Variants in MAP3K10 observed in about 807,000 individuals in gnomAD.
The protein encoded by MAP3K10 is mitogen-activated protein kinase kinase kinase 10, also known as MKN28 derived nonreceptor_type serine/threonine kinase.
A neutral mutation model predicts 75.0 loss-of-function variants in MAP3K10; 22 were observed. The observed-to-expected ratio is 0.29, with a 90% CI of 0.21 to 0.42. The LOEUF (loss-of-function observed/expected upper bound fraction) is 0.42, where lower values mean the gene tolerates loss of function less well. Among genes scored for constraint, MAP3K10 ranks in the 10% least tolerant of loss-of-function variants. The pLI is 1.00. For synonymous variants in MAP3K10, 599 were observed against 612.9 expected, an observed-to-expected ratio of 0.98 and a Z score of 0.34; for missense variants, 1,165 against 1,379.8, an observed-to-expected ratio of 0.84 and a Z score of 2.47.
Position 40,204,456 on chromosome 19 carries a change from C to T in MAP3K10, c.864-29C>T, listed in dbSNP as rs769899647. 1.2e-6 allele frequency: 2 copies of T among 1,602,282 alleles called. No individual in the cohort carries two copies. The highest frequency in any genetic ancestry group is 2.2e-5 in the East Asian group (1 of 44,658). ...AGGTGAGGATTGGGGTGGGCTGCGA[C>T]ATCACCCCTCCCTCTCCCCTGCCTG... On this transcript the variant is annotated intron_variant, in intron 2 of 9. Coordinates refer to ENST00000253055, the MANE Select transcript of MAP3K10 (RefSeq NM_002446.4). The surrounding 1 kb of genome is among the most constrained non-coding windows in gnomAD (Gnocchi z 4.3).
In MAP3K10 at chr19:40,192,216, A is replaced by G; in HGVS notation, c.185A>G (p.Gln62Arg). The G allele has an allele frequency of 6.2e-7, 1 of 1,606,986 alleles. No homozygotes were observed. Among genetic ancestry groups the G allele is most frequent in the Non-Finnish European group, 8.5e-7 (1 of 1,178,100 alleles). Residue 62 changes from glutamine to arginine, a missense_variant, in exon 1 of 10, where the codon CAG becomes CGG. Coordinates refer to ENST00000253055, the MANE Select transcript of MAP3K10 (RefSeq NM_002446.4). The surrounding 1 kb of genome is among the most constrained non-coding windows in gnomAD (Gnocchi z 7.1). ...GGCGACGAGGGCTGGTGGACCGGGCAGCTCCCCAGCGGCCGCGTGGGCGTC... is the reference window on the plus strand; with the variant it reads ...GGCGACGAGGGCTGGTGGACCGGGCGGCTCCCCAGCGGCCGCGTGGGCGTC... The part of the protein sequence containing the change: ...VSGDEGWWTG[Q>R]LPSGRVGVFP...
chr19:40,206,287 G>T, intron 5 of MAP3K10, 130 bp downstream of exon 5: 1 of 1,168,754 alleles, frequency 8.6e-7, no homozygotes. Context: ...TCAGTGATCA[G>T]CCCAGTGCAG....
intron 6 of MAP3K10, among the ~76,000 whole-genome samples, chr19:40,210,122 C>T (rs1568493041): frequency 6.6e-6 from 1 of 152,014 alleles, no homozygotes; most frequent in Non-Finnish European, 1.5e-5. Context: ...AAAAAGTCAG[C>T]CAGGTGCTGT....
Position 40,215,197 on chromosome 19 carries a change from C to A in MAP3K10, c.2770C>A (p.Pro924Thr). 1 of 1,585,310 alleles carries A rather than the reference C, an allele frequency of 6.3e-7. No individual in the cohort carries two copies. The highest frequency in any genetic ancestry group is 1.1e-5 in the South Asian group (1 of 87,404). Reference protein sequence around the residue: ...SRPDTPESPGPPSVQPTLLDM... With the variant: ...SRPDTPESPGTPSVQPTLLDM... Reference sequence around the variant, plus strand: ...GCCAGACACTCCGGAGAGCCCTGGGCCCCCCAGCGTGCAGCCCACACTGCT... The same window carrying A: ...GCCAGACACTCCGGAGAGCCCTGGGACCCCCAGCGTGCAGCCCACACTGCT... The change falls in exon 10 of 10, where the codon CCC (proline) becomes ACC (threonine). Residue 924 changes from proline to threonine, a missense_variant. By Grantham distance (38) the Pro-to-Thr change is conservative. Transcript: ENST00000253055.
intron 6 of MAP3K10, among the ~76,000 whole-genome samples, chr19:40,209,630 G>T (rs903340257): frequency 6.6e-6 from 1 of 151,848 alleles, no homozygotes; most frequent in African/African-American, 2.4e-5. Flanking sequence ...GGCCAGGCTG[G>T]TATCGAACTC....
chr19:40,206,927 G>A (rs1415372165), intron 5 of MAP3K10, among the ~76,000 whole-genome samples: 2 of 152,022 alleles, frequency 1.3e-5, no homozygotes, highest in East Asian at 1.9e-4. Flanking sequence ...GTGAAATCCC[G>A]CCTCTACTAA....
intron 5 of MAP3K10, among the ~76,000 whole-genome samples, chr19:40,208,363 T>TTTTTTTTTTTTTTTTTTTTTTTTA (rs1555756664): frequency 1.2e-4 from 13 of 111,890 alleles, no homozygotes; most frequent in Non-Finnish European, 1.6e-4. Flanking sequence ...TTTTTTTTTT[T>TTTTTTTTTTTTTTTTTTTTTTTTA]TTTTTTGTAT....
At chr19:40,207,230 A>G (rs933785515) in intron 5 of MAP3K10, among the ~76,000 whole-genome samples, 2 of 150,376 alleles carry the variant, frequency 1.3e-5, no homozygotes, top group African/African-American at 4.9e-5. Flanking sequence ...TTCAGGTTTG[A>G]TTTTTTTTTT....
intron 6 of MAP3K10, among the ~76,000 whole-genome samples, chr19:40,210,132 T>C (rs924824969): frequency 6.6e-6 from 1 of 152,150 alleles, no homozygotes; most frequent in South Asian, 2.1e-4. Context: ...CCAGGTGCTG[T>C]GACAGGCACC....
intron 1 of MAP3K10, among the ~76,000 whole-genome samples, chr19:40,195,430 T>TG (rs1157469603): frequency 1.5e-5 from 2 of 129,950 alleles, no homozygotes; most frequent in Non-Finnish European, 3.2e-5. Flanking sequence ...GAATTTACAG[T>TG]GGGGGCTTCC....
chr19:40,201,071 T>C (rs2145078038), intron 2 of MAP3K10, among the ~76,000 whole-genome samples: 1 of 152,182 alleles, frequency 6.6e-6, no homozygotes, highest in Non-Finnish European at 1.5e-5. Flanking sequence ...TGGATCATGC[T>C]ACCCTCCAGT....
chr19:40,212,797 G>A lies in MAP3K10; in HGVS notation c.1553-8G>A. 1 of 1,581,142 alleles carries A rather than the reference G, an allele frequency of 6.3e-7. No individual in the cohort carries two copies. Among genetic ancestry groups the A allele is most frequent in the Non-Finnish European group, 8.6e-7 (1 of 1,164,850 alleles). ...CACCCAGTAACCAAGTGGCTTCTCTGGACCCAGTGACTCCCGTGGACTGTG... is the reference window on the plus strand; with the variant it reads ...CACCCAGTAACCAAGTGGCTTCTCTAGACCCAGTGACTCCCGTGGACTGTG... On this transcript the variant is annotated splice_polypyrimidine_tract_variant and splice_region_variant and intron_variant, in intron 6 of 9. Coordinates refer to ENST00000253055, the MANE Select transcript of MAP3K10 (RefSeq NM_002446.4). The surrounding 1 kb of genome is among the most constrained non-coding windows in gnomAD (Gnocchi z 4.2).
intron 1 of MAP3K10, among the ~76,000 whole-genome samples, chr19:40,197,023 A>G (rs1032960464): frequency 2.0e-5 from 3 of 152,146 alleles, no homozygotes; most frequent in African/African-American, 7.2e-5. Flanking sequence ...GCTGTGTAAT[A>G]AGCTACCCCC....
At chr19:40,214,502 TCTC>T (rs1380834673) in intron 9 of MAP3K10, among the ~76,000 whole-genome samples, 1 of 152,166 alleles carries the variant, frequency 6.6e-6, no homozygotes, top group Non-Finnish European at 1.5e-5. Flanking sequence ...TAGACACTGT[TCTC>T]CTCCATCTGT....
At position 40,214,174 on chromosome 19, in the gene MAP3K10, G is replaced by C. The variant is rs1351403589; in HGVS notation, c.2495G>C (p.Gly832Ala). The C allele has an allele frequency of 6.7e-7, 1 of 1,486,064 alleles. No homozygotes were observed. Among genetic ancestry groups the C allele is most frequent in the East Asian group, 2.7e-5 (1 of 36,928 alleles). The allele number at this position is 1,486,064 out of a possible 1,614,324, so 92.1% of individuals were successfully genotyped here. A position where few individuals can be genotyped will look rare whatever the true frequency, so the allele number is the denominator to read the frequency against. Residue 832 changes from glycine to alanine, a missense_variant, in exon 9 of 10, where the codon GGG becomes GCG. Coordinates refer to ENST00000253055, the MANE Select transcript of MAP3K10 (RefSeq NM_002446.4). ...SRGHRRTPSDGALGQRGPPEP... is the reference protein window; with the variant it reads ...SRGHRRTPSDAALGQRGPPEP... ...GGGCACCGGCGGACGCCATCGGACG[G>C]GGCGCTGGGGCAGCGGGGGCCGCCC... is the stretch of plus-strand genomic sequence containing the variant.
intron 5 of MAP3K10, among the ~76,000 whole-genome samples, chr19:40,207,397 A>G (rs1257023742): frequency 6.6e-6 from 1 of 152,162 alleles, no homozygotes; most frequent in Non-Finnish European, 1.5e-5. Flanking sequence ...ATTTTCTAGT[A>G]AGCTACACAT....
rs1195547755 is a variant in MAP3K10, at chr19:40,215,020, T to A, written c.2593T>A (p.Phe865Ile). 1 of 1,583,612 alleles carries A rather than the reference T, an allele frequency of 6.3e-7. No individual in the cohort carries two copies. Among genetic ancestry groups the A allele is most frequent in the Admixed American group, 1.7e-5 (1 of 59,212 alleles). The change falls in exon 10 of 10, where the codon TTC (phenylalanine) becomes ATC (isoleucine). Residue 865 changes from phenylalanine to isoleucine, a missense_variant. Phe to Ile is a conservative substitution (Grantham distance 21, BLOSUM62 0). Transcript: ENST00000253055. ...CCGCCTGCCCGACCCCCAGGCCCTG[T>A]TCCCAGCCCGCCGCCGGCCCCCTGA... ...FPRLPDPQAL[F>I]PARRRPPEFP...
chr19:40,213,306 A>T lies in MAP3K10; in HGVS notation c.1837+118A>T. On this transcript the variant is annotated intron_variant, in intron 8 of 9. Coordinates refer to ENST00000253055, the MANE Select transcript of MAP3K10 (RefSeq NM_002446.4). This position sits in a 1 kb window ranked among gnomAD's most constrained non-coding sequence, Gnocchi z 5.7. ...CCAGTGAGTGGAAGGCCTTCCTGGG[A>T]AGGGAGATGGTGGCCCCTGGGGCGT... 2 of 1,450,666 alleles carry T rather than the reference A, an allele frequency of 1.4e-6. No individual in the cohort carries two copies. Among genetic ancestry groups the T allele is most frequent in the Non-Finnish European group, 1.8e-6 (2 of 1,105,500 alleles). The allele number at this position is 1,450,666 out of a possible 1,614,324, so 89.9% of individuals were successfully genotyped here.
At position 40,192,284 on chromosome 19, in the gene MAP3K10, G is replaced by T; in HGVS notation, c.253G>T (p.Ala85Ser). The change falls in exon 1 of 10, where the codon GCG becomes TCG. Residue 85 changes from alanine (A) to serine (S), a missense_variant. Ala to Ser is a moderately conservative substitution (Grantham distance 99). Coordinates refer to ENST00000253055, the MANE Select transcript of MAP3K10 (RefSeq NM_002446.4). The surrounding 1 kb of genome is among the most constrained non-coding windows in gnomAD (Gnocchi z 7.1). ...YVAPGAPAAPAGLQLPQEIPF... is the reference protein window; with the variant it reads ...YVAPGAPAAPSGLQLPQEIPF... ...GGCCCCCGGCGCCCCCGCTGCACCC[G>T]CGGGCCTCCAGCTGCCCCAGGAGAT... 2 of 1,593,770 alleles carry T rather than the reference G, an allele frequency of 1.3e-6. No individual in the cohort carries two copies. Among genetic ancestry groups the T allele is most frequent in the Admixed American group, 1.8e-5 (1 of 57,040 alleles).
Sources: allele counts gnomAD v4.1 joint callset (sites outside exome capture counted in the v4.1 genomes callset), GRCh38; gene constraint gnomAD v4.1.1; non-coding constraint Gnocchi (gnomAD v3.1); transcripts MANE v1.5; gene names NCBI Gene and HGNC (gene_info 2026-07-23, HGNC 2026-07-21).